Variants in UTP6 observed in about 807,000 individuals in gnomAD.
UTP6 encodes the protein UTP6 small subunit processome component, also known as U3 small nucleolar RNA-associated protein 6 homolog.
Under a neutral mutation model 96.5 loss-of-function variants are expected in UTP6, and 60 were observed. The observed-to-expected ratio is 0.62, with a 90% confidence interval of 0.51 to 0.77. The LOEUF (loss-of-function observed/expected upper bound fraction) is 0.77. UTP6 is among the 30% of genes least tolerant of loss of function. The pLI, the probability that UTP6 is intolerant of heterozygous loss-of-function variation, is 0.00. For missense variants in UTP6, 637 were observed against 706.5 expected (o/e 0.90, Z 1.12); for synonymous variants, 215 against 240.1 (o/e 0.90, Z 0.96).
chr17:31,868,325 G>GTTTTT lies in UTP6; in HGVS notation c.1497-218_1497-214dup, dbSNP rs33960994. ...TTCATACCCAGTTCTTAGTTTTTTG[G>GTTTTT]TTTTTTTTTTTTTTTTTTTTTTGAG... On this transcript the variant is annotated intron_variant, in intron 16 of 18. Coordinates refer to ENST00000261708, the MANE Select transcript of UTP6 (RefSeq NM_018428.3). Among the ~76,000 whole-genome samples the GTTTTT allele has an allele frequency of 2.4e-3, 213 of 90,466 alleles. 5 individuals carry two copies. The highest frequency in any genetic ancestry group is 3.4e-3 in the East Asian group (9 of 2,644). 59.3% of individuals were successfully genotyped at this position (90,466 alleles called of 152,430 possible). A position where few individuals can be genotyped will look rare whatever the true frequency, so the allele number is the denominator to read the frequency against.
In UTP6 at chr17:31,889,313, T is replaced by A; in HGVS notation, c.515A>T (p.His172Leu). The A allele has an allele frequency of 6.2e-7, 1 of 1,613,580 alleles. No individual in the cohort carries two copies. The highest frequency in any genetic ancestry group is 8.5e-7 in the Non-Finnish European group (1 of 1,179,708). ...RQLFLRALRF[H>L]PECPKLYKEY... The stretch of plus-strand genomic sequence containing the variant: ...TTTATAAAGTTTTGGGCACTCTGGA[T>A]GAAAGCGCAGTGCGCGAAGAAATAG... The change falls in exon 7 of 19, where the codon CAT (histidine) becomes CTT (leucine). Residue 172 changes from histidine (H) to leucine (L), a missense_variant. Transcript: ENST00000261708.
rs747741376 is a variant in UTP6, at chr17:31,863,356, T to C, written c.*3A>G. On this transcript the variant is annotated 3_prime_UTR_variant, in exon 19 of 19. Transcript: ENST00000261708. ...TTCACAAAGCTGACTGTATTCTTCATCTTCATAAATGGCCAGTCTGATGCA... is the reference window on the plus strand; with the variant it reads ...TTCACAAAGCTGACTGTATTCTTCACCTTCATAAATGGCCAGTCTGATGCA... The C allele has an allele frequency of 6.2e-7, 1 of 1,612,258 alleles. No individual in the cohort carries two copies. The highest frequency in any genetic ancestry group is 1.7e-5 in the Admixed American group (1 of 59,652).
intron 6 of UTP6, among the ~76,000 whole-genome samples, chr17:31,891,745 G>A (rs1037276083): frequency 3.9e-5 from 6 of 152,144 alleles, no homozygotes; most frequent in East Asian, 1.9e-4. Flanking sequence ...CAGTCTGGCC[G>A]GGAGTGGTGG....
In UTP6 at chr17:31,875,321, C is replaced by A. The variant is rs1047144544; in HGVS notation, c.1218G>T (p.Trp406Cys). The change falls in exon 14 of 19, where the codon TGG becomes TGT. Residue 406 changes from tryptophan to cysteine, a missense_variant. Physicochemically the swap from Trp to Cys is radical, Grantham distance 215. Transcript: ENST00000261708. ...CGATCAGCACCTGCAGCTTCAGCTG[C>A]CACATTGTCCCAGAGTCTCTAAACA... ...TELFRDSGTM[W>C]QLKLQVLIES... 15 of 1,614,088 alleles carry A rather than the reference C, an allele frequency of 9.3e-6. No individual in the cohort carries two copies. The highest frequency in any genetic ancestry group is 1.3e-5 in the African/African-American group (1 of 74,936).
chr17:31,864,001 A>G (rs151127833), intron 18 of UTP6, among the ~76,000 whole-genome samples: 4 of 152,258 alleles, frequency 2.6e-5, no homozygotes, highest in Non-Finnish European at 2.9e-5. Flanking sequence ...GTGCCTCATC[A>G]GTTTTGTTTT....
intron 8 of UTP6, 21 bp from the exon 9 acceptor site, chr17:31,886,082 C>T (rs780648492): frequency 7.5e-6 from 12 of 1,601,928 alleles, no homozygotes; most frequent in South Asian, 3.4e-5. Context: ...TTATATCAAA[C>T]GTAACTTAAC....
intron 13 of UTP6, 29 bp downstream of exon 13, chr17:31,878,221 G>A (rs1463166714): frequency 6.2e-7 from 1 of 1,607,582 alleles, no homozygotes; most frequent in East Asian, 2.2e-5. Flanking sequence ...ATTTGTAACT[G>A]GCACAGAATA....
In UTP6 at chr17:31,892,279, C is replaced by T. The variant is rs746757727; in HGVS notation, c.405G>A (p.Ala135=). 30 of 1,613,956 alleles carry T rather than the reference C, an allele frequency of 1.9e-5. 1 individual carries two copies. In the East Asian group the frequency reaches 2.0e-4, roughly 11 times the overall value. The part of the protein sequence containing the change: ...RLSKVFSAML[A]IHSNKPALWI... ...CCATACCTGGTTTGTTGGAATGAAT[C>T]GCCAACATGGCAGAGAATACCTTGC... Residue 135 remains alanine (A), a synonymous_variant, in exon 6 of 19, where the codon GCG becomes GCA. Coordinates refer to ENST00000261708, the MANE Select transcript of UTP6 (RefSeq NM_018428.3).
Position 31,865,426 on chromosome 17 carries a change from T to G in UTP6, c.1576A>C (p.Met526Leu), listed in dbSNP as rs759347495. The G allele has an allele frequency of 1.4e-5, 22 of 1,613,878 alleles. No individual in the cohort carries two copies. Among genetic ancestry groups the G allele is most frequent in the Non-Finnish European group, 8.5e-7 (1 of 1,179,922 alleles). The change falls in exon 18 of 19, where the codon ATG becomes CTG. Residue 526 changes from methionine (M) to leucine (L), a missense_variant. Met to Leu is a conservative substitution (Grantham distance 15, BLOSUM62 2). Transcript: ENST00000261708. ...QFEKEQESCNMANIREYYERA... is the reference protein window; with the variant it reads ...QFEKEQESCNLANIREYYERA... ...TCATAATATTCTCTTATGTTCGCCA[T>G]ATTGCAGGATTCCTGACAAAGATAG...
chr17:31,863,300 A>G lies in UTP6; in HGVS notation c.*59T>C. The G allele has an allele frequency of 1.3e-6, 2 of 1,584,388 alleles. No individual in the cohort carries two copies. Among genetic ancestry groups the G allele is most frequent in the Non-Finnish European group, 1.7e-6 (2 of 1,162,670 alleles). On this transcript the variant is annotated 3_prime_UTR_variant, in exon 19 of 19. Transcript: ENST00000261708. ...CAAATTACAGATGGACTCAATACAA[A>G]TTTGCCCACGGGGCTTGCTTGCAAT...
At chr17:31,866,598 G>A (rs1909831706) in intron 17 of UTP6, 2 of 151,848 alleles carry the variant, frequency 1.3e-5, no homozygotes, top group Admixed American at 1.3e-4. Context: ...CAGGCATGGT[G>A]GTGCATGCCT....
At chr17:31,897,657 C>T (rs936044549) in intron 2 of UTP6, among the ~76,000 whole-genome samples, 5 of 151,942 alleles carry the variant, frequency 3.3e-5, no homozygotes, top group African/African-American at 2.4e-5. Context: ...CCATGTTGGC[C>T]AGGCTGGTCT....
At chr17:31,874,856 C>T (rs1427553343) in intron 14 of UTP6, among the ~76,000 whole-genome samples, 3 of 150,382 alleles carry the variant, frequency 2.0e-5, no homozygotes, top group African/African-American at 4.9e-5. Flanking sequence ...TGCCTGAACC[C>T]GGGAGGCAGA....
chr17:31,890,534 C>T (rs1220880175), intron 6 of UTP6, among the ~76,000 whole-genome samples: 2 of 151,668 alleles, frequency 1.3e-5, no homozygotes, highest in Non-Finnish European at 2.9e-5. Context: ...AGAAGGATCA[C>T]TTTAACCTGG....
intron 13 of UTP6, among the ~76,000 whole-genome samples, chr17:31,876,987 G>A (rs1180536344): frequency 6.6e-6 from 1 of 152,172 alleles, no homozygotes. Context: ...ACTCCAGGCT[G>A]GGTGACAGAG....
chr17:31,878,332 A>G lies in UTP6; in HGVS notation c.1048-5T>C, dbSNP rs775493371. The stretch of plus-strand genomic sequence containing the variant: ...AGTCATGGTTCTTTCCAACCTCTGA[A>G]AACAGAAAAATCCCTCAGTTCATTA... On this transcript the variant is annotated splice_polypyrimidine_tract_variant and splice_region_variant and intron_variant, in intron 12 of 18. Coordinates refer to ENST00000261708, the MANE Select transcript of UTP6 (RefSeq NM_018428.3). The G allele has an allele frequency of 6.2e-7, 1 of 1,614,004 alleles. No homozygotes were observed. Among genetic ancestry groups the G allele is most frequent in the Non-Finnish European group, 8.5e-7 (1 of 1,180,024 alleles).
At chr17:31,878,124 T>G (rs896325989) in intron 13 of UTP6, 126 bp downstream of exon 13, 9 of 853,324 alleles carry the variant, frequency 1.1e-5, no homozygotes, top group Non-Finnish European at 1.7e-5. Flanking sequence ...ATAAACACAC[T>G]TCACATACCG....
intron 2 of UTP6, among the ~76,000 whole-genome samples, chr17:31,897,142 C>G (rs1288117110): frequency 6.6e-6 from 1 of 151,818 alleles, no homozygotes; most frequent in Non-Finnish European, 1.5e-5. Flanking sequence ...AGAAAATTAG[C>G]CAGCCATCTG....
At chr17:31,874,894 T>C (rs1356051664) in intron 14 of UTP6, among the ~76,000 whole-genome samples, 2 of 146,198 alleles carry the variant, frequency 1.4e-5, no homozygotes, top group Admixed American at 1.4e-4. Flanking sequence ...ATCACGCCAC[T>C]GCACTCCAGC....
Sources: gnomAD v4.1 joint callset for allele counts (sites outside exome capture counted in the v4.1 genomes callset) on GRCh38, gnomAD v4.1.1 for gene constraint, MANE v1.5 for transcripts, NCBI Gene and HGNC (gene_info 2026-07-23, HGNC 2026-07-21) for gene names.